MARK1: variants seen among roughly 807,000 people sequenced by gnomAD.
MARK1 encodes the protein microtubule affinity regulating kinase 1, also known as serine/threonine-protein kinase MARK1.
Under a neutral mutation model 96.3 loss-of-function variants are expected in MARK1, and 40 were observed. That is an observed-to-expected ratio of 0.42 (90% confidence interval 0.32 to 0.54). MARK1 has a LOEUF of 0.54. Among genes scored for constraint, MARK1 ranks in the 20% least tolerant of loss-of-function variants. The pLI is 0.16. For synonymous variants in MARK1, 317 were observed against 341.2 expected (o/e 0.93, Z 0.78); for missense variants, 719 against 984.6 (o/e 0.73, Z 3.61).
chr1:220,658,191 G>A (rs1669281558), intron 17 of MARK1, among the ~76,000 whole-genome samples: 1 of 152,202 alleles, frequency 6.6e-6, no homozygotes, highest in Non-Finnish European at 1.5e-5. Context: ...ACAGAACAGG[G>A]AGATAATTAC....
chr1:220,649,930 A>C (rs1273048029), intron 13 of MARK1, among the ~76,000 whole-genome samples: 3 of 152,202 alleles, frequency 2.0e-5, no homozygotes, highest in Non-Finnish European at 2.9e-5. Context: ...CAGGCACAAC[A>C]GTGGGTTACA....
In MARK1 at chr1:220,553,083, T is replaced by G. The variant is rs765096316; in HGVS notation, c.51+24210T>G. On this transcript the variant is annotated intron_variant, in intron 1 of 17. Transcript: ENST00000366917. ...CAGCATGAGTCATCTTTTCTGAGTA[T>G]GTACATGGGAAACAGTGATCTCCAT... 1.1e-4 allele frequency among the ~76,000 whole-genome samples: 17 copies of G among 152,238 alleles called. 1 individual carries two copies. Among genetic ancestry groups the G allele is most frequent in the Non-Finnish European group, 2.1e-4 (14 of 68,038 alleles).
intron 1 of MARK1, among the ~76,000 whole-genome samples, chr1:220,559,296 A>G (rs989265361): frequency 6.6e-6 from 1 of 152,208 alleles, no homozygotes; most frequent in Admixed American, 6.5e-5. Flanking sequence ...GAGAATAAAG[A>G]GGGATAGGTC....
chr1:220,611,755 CAG>C (rs1337142563), intron 6 of MARK1, among the ~76,000 whole-genome samples: 1 of 151,794 alleles, frequency 6.6e-6, no homozygotes, highest in Non-Finnish European at 1.5e-5. Context: ...TTTTTTGAGA[CAG>C]AGTCTTGCTC....
At chr1:220,554,737 A>G (rs1428689825) in intron 1 of MARK1, among the ~76,000 whole-genome samples, 1 of 152,204 alleles carries the variant, frequency 6.6e-6, no homozygotes, top group African/African-American at 2.4e-5. Context: ...ATAGTGCTGT[A>G]ATTGGCATAA....
intron 1 of MARK1, among the ~76,000 whole-genome samples, chr1:220,531,246 T>TA (rs1320397584): frequency 2.0e-5 from 3 of 152,160 alleles, no homozygotes; most frequent in African/African-American, 7.2e-5. Flanking sequence ...GCTAATATAT[T>TA]AATGCCAGTA....
chr1:220,608,401 T>A (rs1666224366), intron 6 of MARK1, among the ~76,000 whole-genome samples: 1 of 152,196 alleles, frequency 6.6e-6, no homozygotes, highest in Non-Finnish European at 1.5e-5. Flanking sequence ...AATGGTGATA[T>A]CCCCTTTATC....
At chr1:220,589,014 G>C (rs1274496183) in intron 3 of MARK1, among the ~76,000 whole-genome samples, 1 of 152,200 alleles carries the variant, frequency 6.6e-6, no homozygotes, top group Non-Finnish European at 1.5e-5. Flanking sequence ...CCTTCTACTA[G>C]CCCAGTTTAC....
chr1:220,565,785 A>G (rs1663006449), intron 1 of MARK1, among the ~76,000 whole-genome samples: 1 of 152,146 alleles, frequency 6.6e-6, no homozygotes, highest in Non-Finnish European at 1.5e-5. Context: ...GTTTTTAGTT[A>G]TTGGTAAGGC....
At chr1:220,563,378 A>G (rs1045679316) in intron 1 of MARK1, among the ~76,000 whole-genome samples, 4 of 152,208 alleles carry the variant, frequency 2.6e-5, no homozygotes, top group East Asian at 1.9e-4. Context: ...ACTGTATTGT[A>G]TGTTACTCAT....
chr1:220,586,054 A>G (rs963162002), intron 3 of MARK1, among the ~76,000 whole-genome samples: 1 of 151,832 alleles, frequency 6.6e-6, no homozygotes, highest in Non-Finnish European at 1.5e-5. Context: ...TGTAATACAT[A>G]GAGTTTAAAA....
At position 220,654,871 on chromosome 1, in the gene MARK1, AG is replaced by A. The variant is rs1346378867; in HGVS notation, c.1988+1521del. 6.6e-6 allele frequency among the ~76,000 whole-genome samples: 1 copy of A among 152,258 alleles called. No individual in the cohort carries two copies. The highest frequency in any genetic ancestry group is 1.5e-5 in the Non-Finnish European group (1 of 68,050). ...CTAGGGGAAACAGAGTACTTTGGAAAGGAAGTCGTGAGATAGAATGCCAAAG... is the reference window on the plus strand; with the variant it reads ...CTAGGGGAAACAGAGTACTTTGGAAAGAAGTCGTGAGATAGAATGCCAAAG... On this transcript the variant is annotated intron_variant, in intron 16 of 17. Coordinates refer to ENST00000366917, the MANE Select transcript of MARK1 (RefSeq NM_018650.5). The surrounding 1 kb of genome is among the most constrained non-coding windows in gnomAD (Gnocchi z 4.0).
intron 1 of MARK1, among the ~76,000 whole-genome samples, chr1:220,558,496 G>A (rs1662446455): frequency 6.6e-6 from 1 of 151,678 alleles, no homozygotes; most frequent in African/African-American, 2.4e-5. Context: ...CTATTTTAAA[G>A]TGACTAAAGC....
chr1:220,593,832 C>T (rs1426257374), intron 3 of MARK1, among the ~76,000 whole-genome samples: 1 of 152,124 alleles, frequency 6.6e-6, no homozygotes, highest in Non-Finnish European at 1.5e-5. Context: ...TGGGTAGGCC[C>T]AGGCAGGGGT....
chr1:220,566,067 T>G (rs990568524), intron 1 of MARK1, among the ~76,000 whole-genome samples: 16 of 152,228 alleles, frequency 1.1e-4, no homozygotes, highest in Non-Finnish European at 1.5e-5. Flanking sequence ...GCTTCTGATG[T>G]CTCATCTTTA....
chr1:220,538,254 A>G (rs904383870), intron 1 of MARK1, among the ~76,000 whole-genome samples: 2 of 152,136 alleles, frequency 1.3e-5, no homozygotes, highest in African/African-American at 2.4e-5. Context: ...TCATTTTAGT[A>G]TAAGGTGTAA....
intron 3 of MARK1, among the ~76,000 whole-genome samples, chr1:220,593,801 C>T (rs1325687831): frequency 6.6e-6 from 1 of 152,168 alleles, no homozygotes; most frequent in East Asian, 1.9e-4. Context: ...CCCCATGGAG[C>T]TCCATTTCTG....
chr1:220,572,368 A>G lies in MARK1; in HGVS notation c.52-6986A>G, dbSNP rs139147091. ...GCAATTCTCCTGCCTTAGCCTCCCAATTAGCTGGGATTACAGGCATGTGCC... is the reference window on the plus strand; with the variant it reads ...GCAATTCTCCTGCCTTAGCCTCCCAGTTAGCTGGGATTACAGGCATGTGCC... On this transcript the variant is annotated intron_variant, in intron 1 of 17. Coordinates refer to ENST00000366917, the MANE Select transcript of MARK1 (RefSeq NM_018650.5). Among the ~76,000 whole-genome samples the G allele has an allele frequency of 1.6e-4, 24 of 152,180 alleles. 2 individuals carry two copies. The East Asian group carries it at 4.4e-3, about 28-fold the overall frequency.
intron 9 of MARK1, chr1:220,626,263 A>G: frequency 1.9e-6 from 1 of 529,330 alleles, no homozygotes; most frequent in Non-Finnish European, 3.8e-6. Flanking sequence ...TGACATTGAT[A>G]TTCACCACGG....
Sources: gnomAD v4.1 joint callset for allele counts (sites outside exome capture counted in the v4.1 genomes callset) on GRCh38, gnomAD v4.1.1 for gene constraint, Gnocchi (gnomAD v3.1) non-coding constraint, MANE v1.5 for transcripts, NCBI Gene and HGNC (gene_info 2026-07-23, HGNC 2026-07-21) for gene names.